Variants in ZNF431 observed in about 807,000 individuals in gnomAD.
ZNF431 encodes the protein zinc finger protein 431.
ZNF431 carries 34 observed loss-of-function variants against 57.0 expected under a neutral mutation model. The observed-to-expected ratio is 0.60, with a 90% CI of 0.45 to 0.79. The LOEUF (loss-of-function observed/expected upper bound fraction) is 0.79, where lower values mean the gene tolerates loss of function less well. ZNF431 is among the 30% of genes least tolerant of loss of function. The pLI, the probability that ZNF431 is intolerant of heterozygous loss-of-function variation, is 0.00. For missense variants in ZNF431, 607 were observed against 667.1 expected, an observed-to-expected ratio of 0.91 and a Z score of 0.99; for synonymous variants, 207 against 220.3, an observed-to-expected ratio of 0.94 and a Z score of 0.54.
At chr19:21,150,720 A>C (rs1477720525) in intron 2 of ZNF431, among the ~76,000 whole-genome samples, 1 of 152,210 alleles carries the variant, frequency 6.6e-6, no homozygotes, top group Non-Finnish European at 1.5e-5. Flanking sequence ...TCTCTGATCC[A>C]AATATGAAGA....
At chr19:21,182,275 C>T (rs564388201) in intron 4 of ZNF431, among the ~76,000 whole-genome samples, 6 of 152,190 alleles carry the variant, frequency 3.9e-5, no homozygotes, top group African/African-American at 1.2e-4. Flanking sequence ...AAAAAAGAAA[C>T]GAAAAGTTAG....
chr19:21,191,125 T>G lies in ZNF431; in HGVS notation c.*7091T>G, dbSNP rs546800823. On this transcript the variant is annotated 3_prime_UTR_variant, in exon 5 of 5. Coordinates refer to ENST00000311048, the MANE Select transcript of ZNF431 (RefSeq NM_133473.4). The stretch of plus-strand genomic sequence containing the variant: ...TTTTAATTTGAAGTGATCTGACTTA[T>G]TTTTCCTTTTGTGTCCTGGGATGTT... The G allele has an allele frequency of 2.0e-5, 3 of 152,134 alleles. No individual in the cohort carries two copies. The highest frequency in any genetic ancestry group is 4.4e-5 in the Non-Finnish European group (3 of 68,026). 9.4% of individuals were successfully genotyped at this position (152,134 alleles called of 1,614,324 possible).
intron 2 of ZNF431, among the ~76,000 whole-genome samples, chr19:21,147,192 T>G (rs1970125142): frequency 6.6e-6 from 1 of 152,126 alleles, no homozygotes; most frequent in Admixed American, 6.6e-5. Flanking sequence ...AACTTGCATT[T>G]AAGAACATCT....
chr19:21,150,148 G>T, intron 2 of ZNF431: 1 of 614,274 alleles, frequency 1.6e-6, no homozygotes, highest in Non-Finnish European at 3.1e-6. Context: ...TGTACTTGTA[G>T]GCTAGCTTAA....
At chr19:21,172,152 G>A (rs1177795138) in intron 4 of ZNF431, among the ~76,000 whole-genome samples, 1 of 151,444 alleles carries the variant, frequency 6.6e-6, no homozygotes, top group Non-Finnish European at 1.5e-5. Flanking sequence ...TAACAGGCCA[G>A]TCACGGTGGC....
chr19:21,147,100 G>T (rs1970122389), intron 2 of ZNF431, among the ~76,000 whole-genome samples: 1 of 152,186 alleles, frequency 6.6e-6, no homozygotes, highest in African/African-American at 2.4e-5. Flanking sequence ...TGTTCTGTTT[G>T]ATTGTCATGA....
intron 4 of ZNF431, among the ~76,000 whole-genome samples, chr19:21,171,760 G>A (rs373153521): frequency 3.3e-5 from 4 of 119,516 alleles, no homozygotes; most frequent in Non-Finnish European, 6.5e-5. Context: ...TCGCCTTTTC[G>A]CCCAGGCTGG....
At chr19:21,153,810 G>C (rs148900423) in intron 2 of ZNF431, among the ~76,000 whole-genome samples, 4 of 152,080 alleles carry the variant, frequency 2.6e-5, no homozygotes, top group Non-Finnish European at 4.4e-5. Flanking sequence ...TCTGCCTTCC[G>C]AGTTCAAGCG....
At chr19:21,163,584 C>T (rs576561331) in intron 2 of ZNF431, among the ~76,000 whole-genome samples, 15 of 152,154 alleles carry the variant, frequency 9.9e-5, no homozygotes, top group African/African-American at 2.7e-4. Context: ...TGTAATGGCA[C>T]GATCTCGTCT....
At chr19:21,172,518 C>T (rs1376293370) in intron 4 of ZNF431, among the ~76,000 whole-genome samples, 1 of 151,974 alleles carries the variant, frequency 6.6e-6, no homozygotes, top group Admixed American at 6.6e-5. Flanking sequence ...CATTTCAGGG[C>T]CAGACATGGT....
intron 2 of ZNF431, among the ~76,000 whole-genome samples, chr19:21,162,524 T>C (rs1970603655): frequency 1.3e-5 from 2 of 152,110 alleles, no homozygotes; most frequent in South Asian, 4.1e-4. Flanking sequence ...CAGGCTGGTC[T>C]TGAACTCCTG....
chr19:21,179,707 C>T (rs895872394), intron 4 of ZNF431, among the ~76,000 whole-genome samples: 9 of 151,860 alleles, frequency 5.9e-5, no homozygotes, highest in South Asian at 2.1e-4. Context: ...CTACAGGTGC[C>T]GGCCACCAAG....
At chr19:21,180,085 CTA>C in intron 4 of ZNF431, among the ~76,000 whole-genome samples, 1 of 152,196 alleles carries the variant, frequency 6.6e-6, no homozygotes, top group East Asian at 1.9e-4. Flanking sequence ...TGGGGTTTCA[CTA>C]TGTTGGTCAG....
At chr19:21,142,292 C>T in intron 1 of ZNF431, 106 bp downstream of exon 1, 1 of 1,507,624 alleles carries the variant, frequency 6.6e-7, no homozygotes, top group Non-Finnish European at 9.2e-7. Flanking sequence ...GCTCCACAGT[C>T]TGCGCCCCGA....
Position 21,194,314 on chromosome 19 carries a change from T to C in ZNF431, c.*10280T>C, listed in dbSNP as rs906972440. 3.3e-5 allele frequency: 5 copies of C among 152,076 alleles called. No individual in the cohort carries two copies. In the East Asian group the frequency reaches 7.7e-4, roughly 23 times the overall value. 9.4% of individuals were successfully genotyped at this position (152,076 alleles called of 1,614,324 possible). A position where few individuals can be genotyped will look rare whatever the true frequency, so the allele number is the denominator to read the frequency against. On this transcript the variant is annotated 3_prime_UTR_variant, in exon 5 of 5. Transcript: ENST00000311048. ...TACATCAAACCAGGGAGGTAAAATATCTCTACAAGAACTAGAAAACATTAC... is the reference window on the plus strand; with the variant it reads ...TACATCAAACCAGGGAGGTAAAATACCTCTACAAGAACTAGAAAACATTAC...
Position 21,185,143 on chromosome 19 carries a change from T to A in ZNF431, c.*1109T>A, listed in dbSNP as rs1232612921. 1 of 152,152 alleles carries A rather than the reference T, an allele frequency of 6.6e-6. No individual in the cohort carries two copies. Among genetic ancestry groups the A allele is most frequent in the Non-Finnish European group, 1.5e-5 (1 of 68,020 alleles). The allele number at this position is 152,152 out of a possible 1,614,324, so 9.4% of individuals were successfully genotyped here. On this transcript the variant is annotated 3_prime_UTR_variant, in exon 5 of 5. Transcript: ENST00000311048. Reference sequence around the variant, plus strand: ...TAAGTCTATGCAAATATCAGAGAATTTATGGTAGAAATATATAAGGTACTG... The same window carrying A: ...TAAGTCTATGCAAATATCAGAGAATATATGGTAGAAATATATAAGGTACTG...
intron 2 of ZNF431, among the ~76,000 whole-genome samples, chr19:21,148,543 G>A (rs1441276106): frequency 6.6e-6 from 1 of 152,120 alleles, no homozygotes; most frequent in Non-Finnish European, 1.5e-5. Flanking sequence ...TCCACAATTT[G>A]TTTAAACCTT....
Position 21,142,107 on chromosome 19 carries a change from C to G in ZNF431, c.-77C>G. The G allele has an allele frequency of 6.3e-7, 1 of 1,594,876 alleles. No individual in the cohort carries two copies. The highest frequency in any genetic ancestry group is 8.6e-7 in the Non-Finnish European group (1 of 1,164,216). On this transcript the variant is annotated 5_prime_UTR_variant, in exon 1 of 5. Transcript: ENST00000311048. The stretch of plus-strand genomic sequence containing the variant: ...TCTGTGTCCTCTGCTCCTAGAGGCC[C>G]AACATCTGTGGCCCTGTGACCTGCA...
chr19:21,180,317 G>C (rs536794979), intron 4 of ZNF431, among the ~76,000 whole-genome samples: 1 of 152,172 alleles, frequency 6.6e-6, no homozygotes, highest in African/African-American at 2.4e-5. Flanking sequence ...GCTGGTAATG[G>C]TTTTTTCTTC....
Sources: gnomAD v4.1 joint callset for allele counts (sites outside exome capture counted in the v4.1 genomes callset) on GRCh38, gnomAD v4.1.1 for gene constraint, MANE v1.5 for transcripts, NCBI Gene and HGNC (gene_info 2026-07-23, HGNC 2026-07-21) for gene names.